ALPK3: variants seen among roughly 807,000 people sequenced by gnomAD.
ALPK3 encodes the protein alpha kinase 3.
In ALPK3, 102 loss-of-function variants were observed where a neutral mutation model predicts 140.0. The ratio of observed to expected loss-of-function variants is 0.73; its 90% CI spans 0.62 to 0.86. The LOEUF is 0.86. Ranked by LOEUF, ALPK3 falls within the 40% of genes least tolerant of loss-of-function variation. ALPK3 has a pLI of 0.00. For missense variants in ALPK3, 2,254 were observed against 2,208.2 expected (o/e 1.02, Z -0.42); for synonymous variants, 938 against 898.5 (o/e 1.04, Z -0.79).
intron 2 of ALPK3, among the ~76,000 whole-genome samples, chr15:84,826,559 A>G (rs554531564): frequency 4.2e-4 from 64 of 152,236 alleles, no homozygotes; most frequent in Middle Eastern, 6.8e-3. Flanking sequence ...GGCCCTTGAA[A>G]GGGTTTGGCA....
At chr15:84,862,450 G>A (rs1023558168) in intron 9 of ALPK3, among the ~76,000 whole-genome samples, 185 bp from the exon 10 acceptor site, 1 of 152,002 alleles carries the variant, frequency 6.6e-6, no homozygotes, top group Non-Finnish European at 1.5e-5. Context: ...ATCAAATAGA[G>A]TTTCTGCCCC....
intron 10 of ALPK3, 156 bp from the exon 11 acceptor site, chr15:84,863,396 G>C: frequency 1.6e-6 from 1 of 622,920 alleles, no homozygotes; most frequent in South Asian, 2.0e-5. Flanking sequence ...ATGAGATGCA[G>C]AGTGGGGAGC....
rs1963879039 is a variant in ALPK3 at position 84,857,456 on chromosome 15, G to A, written c.2718G>A (p.Met906Ile). 1 of 1,613,594 alleles carries A rather than the reference G, an allele frequency of 6.2e-7. No homozygotes were observed. The highest frequency in any genetic ancestry group is 1.6e-4 in the Middle Eastern group (1 of 6,062). The change falls in exon 6 of 14, where the codon ATG (methionine) becomes ATA (isoleucine). Residue 906 changes from methionine (M) to isoleucine (I), a missense_variant. Around this residue, in one of 3 missense-constraint regions of ALPK3, gnomAD observed 2,088 missense variants for 2,022.9 expected, o/e 1.03. Coordinates refer to ENST00000258888, the MANE Select transcript of ALPK3 (RefSeq NM_020778.5). Reference protein sequence around the residue: ...TFLPSEDQVLMSSAPTLHLGL... With the variant: ...TFLPSEDQVLISSAPTLHLGL... ...TGCCCTCTGAGGATCAGGTCCTGAT[G>A]AGTTCTGCCCCAACACTGCACCTGG...
intron 12 of ALPK3, among the ~76,000 whole-genome samples, chr15:84,865,904 G>A (rs990304755): frequency 3.3e-5 from 5 of 152,262 alleles, no homozygotes; most frequent in Middle Eastern, 3.4e-3. Flanking sequence ...TTGCACTACT[G>A]CACTCCAGCC....
chr15:84,820,997 T>TC (rs1963415920), intron 1 of ALPK3, among the ~76,000 whole-genome samples: 1 of 151,708 alleles, frequency 6.6e-6, no homozygotes. Flanking sequence ...ACCCTTTTTT[T>TC]TTCTTCTATT....
chr15:84,865,471 G>A (rs1046030084), intron 12 of ALPK3, among the ~76,000 whole-genome samples: 1 of 151,992 alleles, frequency 6.6e-6, no homozygotes, highest in Non-Finnish European at 1.5e-5. Flanking sequence ...GGGGGAGGGC[G>A]GGCTAGGTAA....
chr15:84,840,142 G>A lies in ALPK3; in HGVS notation c.863G>A (p.Gly288Glu), dbSNP rs142197641. 1 of 1,613,928 alleles carries A rather than the reference G, an allele frequency of 6.2e-7. No individual in the cohort carries two copies. The highest frequency in any genetic ancestry group is 8.5e-7 in the Non-Finnish European group (1 of 1,179,980). ...GEAAPENGEDGEHGLLTYICD... is the reference protein window; with the variant it reads ...GEAAPENGEDEEHGLLTYICD... ...GCTGCCCCCGAGAATGGAGAGGACGGAGAGCATGGCTTGCTGACATACATC... is the reference window on the plus strand; with the variant it reads ...GCTGCCCCCGAGAATGGAGAGGACGAAGAGCATGGCTTGCTGACATACATC... Residue 288 changes from glycine (G) to glutamate (E), a missense_variant, in exon 5 of 14, where the codon GGA (glycine) becomes GAA (glutamate). Coordinates refer to ENST00000258888, the MANE Select transcript of ALPK3 (RefSeq NM_020778.5).
rs369523298 is a variant in ALPK3, at chr15:84,856,416, G to A, written c.1678G>A (p.Ala560Thr). Residue 560 changes from alanine (A) to threonine (T), a missense_variant, in exon 6 of 14, where the codon GCT (alanine) becomes ACT (threonine). Ala to Thr is a moderately conservative substitution (Grantham distance 58). Around this residue, in one of 3 missense-constraint regions of ALPK3, gnomAD observed 2,088 missense variants for 2,022.9 expected, o/e 1.03. Transcript: ENST00000258888. ...GEVLECQTTT[A>T]PTMSASSSSD... ...GGTCCTGGAATGCCAGACAACCACG[G>A]CTCCTACCATGTCGGCCAGCAGCAG... is the stretch of plus-strand genomic sequence containing the variant. The A allele has an allele frequency of 6.3e-5, 101 of 1,606,736 alleles. No individual in the cohort carries two copies. The highest frequency in any genetic ancestry group is 8.2e-5 in the Non-Finnish European group (97 of 1,176,800).
Position 84,840,483 on chromosome 15 carries a change from G to C in ALPK3, c.1204G>C (p.Ala402Pro). 1 of 1,613,574 alleles carries C rather than the reference G, an allele frequency of 6.2e-7. No homozygotes were observed. Among genetic ancestry groups the C allele is most frequent in the Non-Finnish European group, 8.5e-7 (1 of 1,179,842 alleles). ...AVGTPDKAQK[A>P]PGPGPGQEVY... Reference sequence around the variant, plus strand: ...GGGCACTCCAGACAAGGCCCAGAAGGCCCCTGGCCCAGGCCCAGGCCAGGA... The same window carrying C: ...GGGCACTCCAGACAAGGCCCAGAAGCCCCCTGGCCCAGGCCCAGGCCAGGA... The change falls in exon 5 of 14, where the codon GCC becomes CCC. Residue 402 changes from alanine (A) to proline (P), a missense_variant. Physicochemically the swap from Ala to Pro is conservative, Grantham distance 27 (BLOSUM62 -1). Around this residue, in one of 3 missense-constraint regions of ALPK3, gnomAD observed 2,088 missense variants for 2,022.9 expected, o/e 1.03. Transcript: ENST00000258888.
rs1005958377 is a variant in ALPK3, at chr15:84,869,123, A to G, written c.*667A>G. ...CCCTTCACTCACTCGCCTGCTTCCC[A>G]TGCTCCCTTGTACCCCCTCGCCACA... On this transcript the variant is annotated 3_prime_UTR_variant, in exon 14 of 14. Transcript: ENST00000258888. 6.5e-6 allele frequency: 1 copy of G among 153,572 alleles called. No individual in the cohort carries two copies. Among genetic ancestry groups the G allele is most frequent in the Admixed American group, 6.5e-5 (1 of 15,332 alleles). The allele number at this position is 153,572 out of a possible 1,614,324, so 9.5% of individuals were successfully genotyped here. A position where few individuals can be genotyped will look rare whatever the true frequency, so the allele number is the denominator to read the frequency against.
At chr15:84,838,766 C>T (rs766027077) in intron 3 of ALPK3, among the ~76,000 whole-genome samples, 28 of 151,898 alleles carry the variant, frequency 1.8e-4, no homozygotes, top group Non-Finnish European at 3.7e-4. Context: ...ATTACAGGAG[C>T]CCGCCACCAC....
At chr15:84,858,966 C>G (rs149202140) in intron 6 of ALPK3, among the ~76,000 whole-genome samples, 4 of 152,168 alleles carry the variant, frequency 2.6e-5, no homozygotes, top group African/African-American at 9.7e-5. Context: ...AACTGAAGTT[C>G]CTGTCTCAAC....
intron 1 of ALPK3, among the ~76,000 whole-genome samples, chr15:84,822,148 T>C (rs1963433214): frequency 6.6e-6 from 1 of 151,938 alleles, no homozygotes; most frequent in South Asian, 2.1e-4. Context: ...GGTCATCAAA[T>C]GTGGAGCCAT....
At chr15:84,839,127 C>G in intron 4 of ALPK3, 30 bp downstream of exon 4, 1 of 1,569,140 alleles carries the variant, frequency 6.4e-7, no homozygotes, top group Non-Finnish European at 8.7e-7. Context: ...TTTGCTCTCT[C>G]TGCCCTCCCG....
chr15:84,871,478 G>A lies in ALPK3; in HGVS notation c.*3022G>A, dbSNP rs1424526017. The A allele has an allele frequency of 3.3e-5, 5 of 152,306 alleles. No homozygotes were observed. In the East Asian group the frequency reaches 5.8e-4, roughly 18 times the overall value. 9.4% of individuals were successfully genotyped at this position (152,306 alleles called of 1,614,324 possible). On this transcript the variant is annotated 3_prime_UTR_variant, in exon 14 of 14. Coordinates refer to ENST00000258888, the MANE Select transcript of ALPK3 (RefSeq NM_020778.5). The stretch of plus-strand genomic sequence containing the variant: ...TCCAGTTCAGTTGAATAGCTACTAC[G>A]TCTTTGAGGATGTGCTCCTTGCTGG...
rs1963372727 is a variant in ALPK3 at position 84,817,458 on chromosome 15, G to T, written c.6G>T (p.Gly2=). 7.4e-7 allele frequency: 1 copy of T among 1,350,134 alleles called. No individual in the cohort carries two copies. Among genetic ancestry groups the T allele is most frequent in the South Asian group, 1.8e-5 (1 of 56,302 alleles). 83.6% of individuals were successfully genotyped at this position (1,350,134 alleles called of 1,614,324 possible). The change falls in exon 1 of 14, where the codon GGG becomes GGT. Residue 2 remains glycine, a synonymous_variant. Transcript: ENST00000258888. The part of the protein sequence containing the change: M[G]SRRAPSRGWG... The stretch of plus-strand genomic sequence containing the variant: ...CGGTCGGGGAGGGCGGTGCCATGGG[G>T]TCGCGGAGGGCCCCCAGCCGGGGCT...
At chr15:84,848,199 T>C (rs1480875730) in intron 5 of ALPK3, among the ~76,000 whole-genome samples, 1 of 151,746 alleles carries the variant, frequency 6.6e-6, no homozygotes, top group Admixed American at 6.6e-5. Flanking sequence ...GTAAATATAA[T>C]AGATTATTTC....
chr15:84,825,646 G>C lies in ALPK3; in HGVS notation c.183-1838G>C, dbSNP rs117539781. On this transcript the variant is annotated intron_variant, in intron 2 of 13. Transcript: ENST00000258888. ...GATCCAGGCTCAAGGTCATGGATGA[G>C]ATAGGATTCAAATTATGCAGGGAGG... Among the ~76,000 whole-genome samples, 943 of 152,326 alleles carry C rather than the reference G, an allele frequency of 6.2e-3. 5 individuals are homozygous for C. Among genetic ancestry groups the C allele is most frequent in the East Asian group, 0.01 (53 of 5,188 alleles).
Position 84,817,433 on chromosome 15 carries a change from C to A in ALPK3, c.-20C>A, listed in dbSNP as rs1963372215. The A allele has an allele frequency of 8.0e-7, 1 of 1,251,030 alleles. No homozygotes were observed. The highest frequency in any genetic ancestry group is 3.0e-5 in the South Asian group (1 of 33,620). The allele number at this position is 1,251,030 out of a possible 1,614,324, so 77.5% of individuals were successfully genotyped here. ...GAGGCAGCGGCGAGTGCGGGGCCGG[C>A]GGTCGGGGAGGGCGGTGCCATGGGG... On this transcript the variant is annotated 5_prime_UTR_variant, in exon 1 of 14. Transcript: ENST00000258888.
Sources: allele counts gnomAD v4.1 joint callset (sites outside exome capture counted in the v4.1 genomes callset), GRCh38; gene constraint gnomAD v4.1.1; regional missense constraint gnomAD v4.1.1; transcripts MANE v1.5; gene names NCBI Gene and HGNC (gene_info 2026-07-23, HGNC 2026-07-21).